Variants in SUGCT observed in about 807,000 individuals in gnomAD.
SUGCT encodes the protein succinyl-CoA:glutarate CoA-transferase.
In SUGCT, 41 loss-of-function variants were observed where a neutral mutation model predicts 55.0. The ratio of observed to expected loss-of-function variants is 0.74; its 90% confidence interval spans 0.58 to 0.97. The LOEUF (loss-of-function observed/expected upper bound fraction) is 0.97, where lower values mean the gene tolerates loss of function less well. SUGCT is among the 50% of genes least tolerant of loss of function. The probability of loss-of-function intolerance (pLI) is 0.00; values close to 1 mark genes in which losing one functional copy is unlikely to be tolerated. For synonymous variants in SUGCT, 187 were observed against 200.4 expected, an observed-to-expected ratio of 0.93 and a Z score of 0.56; for missense variants, 568 against 547.8, an observed-to-expected ratio of 1.04 and a Z score of -0.37.
intron 12 of SUGCT, among the ~76,000 whole-genome samples, chr7:40,540,892 T>C (rs1202938646): frequency 6.6e-6 from 1 of 152,226 alleles, no homozygotes; most frequent in Non-Finnish European, 1.5e-5. Context: ...AGGGAAGTCA[T>C]GGGTTTGGCA....
intron 12 of SUGCT, among the ~76,000 whole-genome samples, chr7:40,687,920 T>G (rs1468089356): frequency 6.6e-6 from 1 of 152,152 alleles, no homozygotes; most frequent in Non-Finnish European, 1.5e-5. Context: ...ATAATTTATT[T>G]TTGTCCATTT....
chr7:40,137,105 T>C (rs1351335749), intron 1 of SUGCT, among the ~76,000 whole-genome samples: 1 of 151,774 alleles, frequency 6.6e-6, no homozygotes, highest in Non-Finnish European at 1.5e-5. Context: ...AAAGTGAGAG[T>C]GGTGGGGACC....
chr7:40,770,484 G>T (rs146963778), intron 13 of SUGCT, among the ~76,000 whole-genome samples: 1 of 152,252 alleles, frequency 6.6e-6, no homozygotes, highest in East Asian at 1.9e-4. Flanking sequence ...GTTCCAGACA[G>T]AGGGTTAGAG....
At chr7:40,284,327 G>T (rs1793170397) in intron 8 of SUGCT, among the ~76,000 whole-genome samples, 1 of 152,010 alleles carries the variant, frequency 6.6e-6, no homozygotes, top group Non-Finnish European at 1.5e-5. Context: ...GGTGATGAAG[G>T]ACAGGCATGG....
chr7:40,545,914 G>A (rs1794964212), intron 12 of SUGCT, among the ~76,000 whole-genome samples: 1 of 152,100 alleles, frequency 6.6e-6, no homozygotes, highest in African/African-American at 2.4e-5. Context: ...TGCATCTGTG[G>A]CCTACTGATT....
At chr7:40,137,061 A>T (rs1018744600) in intron 1 of SUGCT, among the ~76,000 whole-genome samples, 1 of 152,074 alleles carries the variant, frequency 6.6e-6, no homozygotes, top group Admixed American at 6.6e-5. Context: ...CACCTTTTAG[A>T]TCATCAGCCA....
At chr7:40,864,953 G>A (rs10263609), downstream of SUGCT, among the ~76,000 whole-genome samples, 51,394 of 151,878 alleles carry the variant, frequency 0.34, 9,672 homozygotes, top group East Asian at 0.81. Context: ...GGTTAAAAGT[G>A]CAGGACAGGA....
intron 12 of SUGCT, among the ~76,000 whole-genome samples, chr7:40,664,122 G>A (rs1303549504): frequency 6.6e-6 from 1 of 152,148 alleles, no homozygotes; most frequent in African/African-American, 2.4e-5. Context: ...AACCGATCCT[G>A]CCAACACCAT....
intron 1 of SUGCT, chr7:40,154,138 G>T: frequency 4.6e-6 from 1 of 219,092 alleles, no homozygotes. Context: ...GAACAAGATG[G>T]AGAAACAGGA....
intron 12 of SUGCT, among the ~76,000 whole-genome samples, chr7:40,584,744 C>G (rs979688599): frequency 4.6e-5 from 7 of 152,146 alleles, no homozygotes; most frequent in African/African-American, 1.7e-4. Flanking sequence ...TTCCAAATCC[C>G]ATGTTGTATA....
the SUGCT span, among the ~76,000 whole-genome samples, chr7:40,875,561 G>T: frequency 5.3e-5 from 8 of 152,128 alleles, no homozygotes; most frequent in Admixed American, 3.3e-4. Context: ...ACAGCCACTA[G>T]AAATCAACCT....
At chr7:40,142,058 G>C (rs1788014770) in intron 1 of SUGCT, among the ~76,000 whole-genome samples, 1 of 152,174 alleles carries the variant, frequency 6.6e-6, no homozygotes, top group Non-Finnish European at 1.5e-5. Context: ...GGCAGAGCAG[G>C]AAATCTGAAT....
chr7:41,032,866 C>T, the SUGCT span, among the ~76,000 whole-genome samples: 19 of 152,258 alleles, frequency 1.2e-4, no homozygotes, highest in African/African-American at 4.6e-4. Context: ...CGGGTTCAAG[C>T]GATTCTCCTG....
rs10275996 is a variant in SUGCT, at chr7:40,246,594, G to A, written c.576+8868G>A. ...GCCTGACTTTTTTGTTTAATTGAAG[G>A]CTTGCTTTTTTTTTTTTTTTGAGAA... On this transcript the variant is annotated intron_variant, in intron 7 of 13. Transcript: ENST00000335693. Among the ~76,000 whole-genome samples the A allele has an allele frequency of 3.9e-3, 535 of 138,034 alleles. 2 individuals carry two copies. Among genetic ancestry groups the A allele is most frequent in the African/African-American group, 0.014 (510 of 35,706 alleles). The allele number at this position is 138,034 out of a possible 152,430, so 90.6% of individuals were successfully genotyped here.
At chr7:40,379,196 A>G (rs1784749689) in intron 9 of SUGCT, among the ~76,000 whole-genome samples, 1 of 152,242 alleles carries the variant, frequency 6.6e-6, no homozygotes, top group African/African-American at 2.4e-5. Flanking sequence ...TTAGAGGGAT[A>G]CACAGTGCTG....
intron 7 of SUGCT, among the ~76,000 whole-genome samples, chr7:40,255,734 A>G (rs1790772618): frequency 6.7e-6 from 1 of 148,846 alleles, no homozygotes; most frequent in African/African-American, 2.5e-5. Context: ...AGCTTTGCAT[A>G]TTTTCCTTTA....
the SUGCT span, among the ~76,000 whole-genome samples, chr7:40,928,952 A>G: frequency 6.6e-6 from 1 of 151,938 alleles, no homozygotes; most frequent in Admixed American, 6.6e-5. Context: ...CTAAAATTGT[A>G]CTTTAAGTTC....
chr7:40,379,296 T>G lies in SUGCT; in HGVS notation c.816+62441T>G, dbSNP rs569571160. The stretch of plus-strand genomic sequence containing the variant: ...AGCCACCTAGTTAGTCTGTGATAGT[T>G]TGTTATGGCAACCTTACAAAACTAA... On this transcript the variant is annotated intron_variant, in intron 9 of 13. Transcript: ENST00000335693. Among the ~76,000 whole-genome samples, 37 of 152,302 alleles carry G rather than the reference T, an allele frequency of 2.4e-4. 1 individual carries two copies. In the South Asian group the frequency reaches 7.2e-3, roughly 30 times the overall value.
At chr7:40,564,380 G>A (rs1409453671) in intron 12 of SUGCT, among the ~76,000 whole-genome samples, 2 of 152,044 alleles carry the variant, frequency 1.3e-5, no homozygotes, top group Admixed American at 6.6e-5. Flanking sequence ...GCGAGACTCC[G>A]TCTCAAAAAA....
Sources: gnomAD v4.1 joint callset for allele counts (sites outside exome capture counted in the v4.1 genomes callset) on GRCh38, gnomAD v4.1.1 for gene constraint, MANE v1.5 for transcripts, NCBI Gene and HGNC (gene_info 2026-07-23, HGNC 2026-07-21) for gene names.